Variants in CSGALNACT1 observed in about 807,000 individuals in gnomAD.
CSGALNACT1 encodes the protein chondroitin sulfate N-acetylgalactosaminyltransferase 1.
CSGALNACT1 carries 52 observed loss-of-function variants against 51.0 expected under a neutral mutation model. The observed-to-expected ratio is 1.02, with a 90% CI of 0.82 to 1.29. The LOEUF is 1.29. Ranked by LOEUF, CSGALNACT1 falls within the 50% of genes most tolerant of loss-of-function variation. The pLI is 0.00. For missense variants in CSGALNACT1, 935 were observed against 679.2 expected, an observed-to-expected ratio of 1.38 and a Z score of -4.19; for synonymous variants, 341 against 254.4, an observed-to-expected ratio of 1.34 and a Z score of -3.24.
chr8:19,676,485 C>G (rs527899475), intron 1 of CSGALNACT1, among the ~76,000 whole-genome samples: 1 of 152,126 alleles, frequency 6.6e-6, no homozygotes, highest in East Asian at 1.9e-4. Context: ...CAAGAAAAGT[C>G]AGTACTTGAA....
chr8:19,453,264 A>T (rs2063516256), intron 5 of CSGALNACT1, among the ~76,000 whole-genome samples: 1 of 152,206 alleles, frequency 6.6e-6, no homozygotes, highest in Non-Finnish European at 1.5e-5. Flanking sequence ...AAGAGAAAAC[A>T]ATAAAACAAC....
At chr8:19,440,758 G>A (rs79594546) in intron 5 of CSGALNACT1, among the ~76,000 whole-genome samples, 69,434 of 151,096 alleles carry the variant, frequency 0.46, 17,415 homozygotes, top group East Asian at 0.84. Flanking sequence ...CATTCAATTA[G>A]GAAAAGAGGA....
chr8:19,682,968 C>T (rs557848688), upstream of CSGALNACT1: 13 of 294,080 alleles, frequency 4.4e-5, no homozygotes, highest in South Asian at 9.3e-5. Context: ...TGCAGTCCTT[C>T]GTAAACCAAA....
At chr8:19,738,904 G>T (rs11204067) in intron 1 of CSGALNACT1, among the ~76,000 whole-genome samples, 1 of 151,492 alleles carries the variant, frequency 6.6e-6, no homozygotes, top group Non-Finnish European at 1.5e-5. Context: ...ATGACAATAT[G>T]AGGAAGAGGA....
At chr8:19,608,709 G>T (rs752108590) in intron 1 of CSGALNACT1, among the ~76,000 whole-genome samples, 1 of 152,108 alleles carries the variant, frequency 6.6e-6, no homozygotes, top group Non-Finnish European at 1.5e-5. Flanking sequence ...ATTCCCTCTG[G>T]CTAAATTCTA....
chr8:19,608,384 C>T (rs73595458), intron 1 of CSGALNACT1, among the ~76,000 whole-genome samples: 9,056 of 152,228 alleles, frequency 0.059, 315 homozygotes, highest in Middle Eastern at 0.15. Flanking sequence ...AGTTCAGTCC[C>T]GGTTCTGCCA....
intron 4 of CSGALNACT1, 138 bp from the exon 4 acceptor site, chr8:19,458,780 A>T (rs1312314202): frequency 1.2e-6 from 1 of 819,458 alleles, no homozygotes; most frequent in East Asian, 2.5e-5. Flanking sequence ...CGAAAATTCA[A>T]AATGCTCCCA....
intron 4 of CSGALNACT1, among the ~76,000 whole-genome samples, chr8:19,487,813 CT>C (rs1357988259): frequency 6.6e-6 from 1 of 152,066 alleles, no homozygotes; most frequent in African/African-American, 2.4e-5. Context: ...AATCATTGAG[CT>C]CTCTAGTCAA....
At chr8:19,520,747 A>C (rs958205082) in intron 3 of CSGALNACT1, among the ~76,000 whole-genome samples, 1 of 152,070 alleles carries the variant, frequency 6.6e-6, no homozygotes, top group African/African-American at 2.4e-5. Context: ...CATAATTATA[A>C]CCCCATGCTA....
chr8:19,459,382 C>CAAAAA (rs377411028), intron 4 of CSGALNACT1, among the ~76,000 whole-genome samples: 2 of 69,176 alleles, frequency 2.9e-5, no homozygotes, highest in South Asian at 4.9e-4. Context: ...AACTTTATCT[C>CAAAAA]AAAAAAAAAA....
chr8:19,755,478 A>AAAAAAAAAAAAAAAAC (rs2065307974), intron 1 of CSGALNACT1, among the ~76,000 whole-genome samples: 1 of 147,824 alleles, frequency 6.8e-6, no homozygotes. Context: ...AAAAAAAAAA[A>AAAAAAAAAAAAAAAAC]AAAGACAACA....
At chr8:19,734,804 C>T (rs906576995) in intron 1 of CSGALNACT1, among the ~76,000 whole-genome samples, 4 of 151,836 alleles carry the variant, frequency 2.6e-5, no homozygotes, top group Admixed American at 1.3e-4. Flanking sequence ...TGTCAAAACA[C>T]GCACATAATA....
intron 6 of CSGALNACT1, among the ~76,000 whole-genome samples, chr8:19,426,031 G>A (rs1167374328): frequency 6.6e-6 from 1 of 152,148 alleles, no homozygotes; most frequent in East Asian, 1.9e-4. Context: ...TGTATGAGGG[G>A]CTCTAGCAGA....
At chr8:19,716,624 A>AAAG (rs1554817855) in intron 1 of CSGALNACT1, among the ~76,000 whole-genome samples, 1 of 146,298 alleles carries the variant, frequency 6.8e-6, no homozygotes, top group African/African-American at 2.5e-5. Context: ...AAAAAAAAAA[A>AAAG]AAAAAAAAAA....
At chr8:19,568,237 C>T (rs1278963533) in intron 3 of CSGALNACT1, among the ~76,000 whole-genome samples, 1 of 152,128 alleles carries the variant, frequency 6.6e-6, no homozygotes, top group Admixed American at 6.5e-5. Context: ...TACACCTAGG[C>T]TATATGGTAT....
intron 4 of CSGALNACT1, among the ~76,000 whole-genome samples, chr8:19,460,762 CTCT>C (rs1030962102): frequency 2.0e-4 from 31 of 152,334 alleles, no homozygotes; most frequent in African/African-American, 6.5e-4. Context: ...CTCACTCTCC[CTCT>C]TCTTCTCTTT....
intron 1 of CSGALNACT1, among the ~76,000 whole-genome samples, chr8:19,657,893 G>C (rs1424029816): frequency 1.3e-5 from 2 of 152,072 alleles, no homozygotes; most frequent in Non-Finnish European, 2.9e-5. Flanking sequence ...GGGGTTTCCA[G>C]GCCATTGTTA....
chr8:19,460,328 T>C (rs1472962581), intron 4 of CSGALNACT1, among the ~76,000 whole-genome samples: 4 of 152,210 alleles, frequency 2.6e-5, no homozygotes, highest in Non-Finnish European at 5.9e-5. Flanking sequence ...ATGATTATTC[T>C]CTTTTGTTAT....
intron 5 of CSGALNACT1, among the ~76,000 whole-genome samples, chr8:19,442,010 A>C (rs2061398822): frequency 6.6e-6 from 1 of 152,234 alleles, no homozygotes; most frequent in South Asian, 2.1e-4. Flanking sequence ...AATCAAAACC[A>C]CAATGAGATA....
Sources: allele counts gnomAD v4.1 joint callset (sites outside exome capture counted in the v4.1 genomes callset), GRCh38; gene constraint gnomAD v4.1.1; transcripts MANE v1.5; gene names NCBI Gene and HGNC (gene_info 2026-07-23, HGNC 2026-07-21).